The following BMPR1A variants were observed in gnomAD, a reference collection of about 807,000 sequenced individuals.
BMPR1A encodes the protein bone morphogenetic protein receptor type 1A.
BMPR1A carries 7 observed loss-of-function variants against 66.0 expected under a neutral mutation model. The observed-to-expected ratio is 0.11, with a 90% CI of 0.06 to 0.20. The LOEUF (loss-of-function observed/expected upper bound fraction) is 0.20. BMPR1A is among the 10% of genes least tolerant of loss of function. The probability of loss-of-function intolerance (pLI) is 1.00; values close to 1 mark genes in which losing one functional copy is unlikely to be tolerated. For synonymous variants in BMPR1A, 200 were observed against 229.7 expected (o/e 0.87, Z 1.17); for missense variants, 408 against 669.1 (o/e 0.61, Z 4.31).
downstream of BMPR1A, chr10:86,931,298 C>CACACACACATATATATATATATATAT: frequency 2.6e-4 from 24 of 90,886 alleles, no homozygotes; most frequent in East Asian, 9.1e-4. Flanking sequence ...CACACACACA[C>CACACACACATATATATATATATATAT]ATATATATAT....
chr10:86,930,571 C>T (rs1250484309), downstream of BMPR1A: 1 of 152,264 alleles, frequency 6.6e-6, no homozygotes, highest in Non-Finnish European at 1.5e-5. Flanking sequence ...AGCCACTGCG[C>T]CCAGCCCATA....
At chr10:86,908,313 A>AC (rs984227283) in intron 7 of BMPR1A, among the ~76,000 whole-genome samples, 9 of 152,194 alleles carry the variant, frequency 5.9e-5, no homozygotes, top group Admixed American at 2.0e-4. Context: ...TATCACATGT[A>AC]CCCCCCAAAA....
chr10:86,838,102 C>T (rs192829647), intron 1 of BMPR1A, among the ~76,000 whole-genome samples: 79 of 152,172 alleles, frequency 5.2e-4, no homozygotes, highest in African/African-American at 1.9e-3. Context: ...TTTTTAAGAT[C>T]GCAAAGTAAA....
At chr10:86,890,738 A>G (rs12259616) in intron 4 of BMPR1A, among the ~76,000 whole-genome samples, 5,992 of 152,174 alleles carry the variant, frequency 0.039, 404 homozygotes, top group African/African-American at 0.14. Context: ...CTGGCCTCCT[A>G]CTTCTTAATT....
chr10:86,819,413 C>G (rs150741413), intron 1 of BMPR1A, among the ~76,000 whole-genome samples: 6 of 152,160 alleles, frequency 3.9e-5, no homozygotes, highest in Admixed American at 2.6e-4. Context: ...TGGGCTCAAG[C>G]GATTCTCCTG....
Position 86,926,621 on chromosome 10 carries a change from T to G in BMPR1A, c.*2902T>G, listed in dbSNP as rs1589294929. On this transcript the variant is annotated 3_prime_UTR_variant, in exon 13 of 13. Coordinates refer to ENST00000372037, the MANE Select transcript of BMPR1A (RefSeq NM_004329.3). ...ATTCTTAAATCTGAAGCTCATCGAC[T>G]AAGTGAAATATTTAAAGAATATGAT... 1 of 181,154 alleles carries G rather than the reference T, an allele frequency of 5.5e-6. No individual in the cohort carries two copies. The highest frequency in any genetic ancestry group is 9.1e-5 in the East Asian group (1 of 11,012). The allele number at this position is 181,154 out of a possible 1,614,324, so 11.2% of individuals were successfully genotyped here.
intron 1 of BMPR1A, among the ~76,000 whole-genome samples, chr10:86,766,823 TG>T (rs1367837447): frequency 2.0e-4 from 30 of 147,686 alleles, no homozygotes; most frequent in African/African-American, 7.2e-4. Context: ...TTAGCCAGGA[TG>T]GTTTTTTTTT....
intron 1 of BMPR1A, among the ~76,000 whole-genome samples, chr10:86,796,134 A>G (rs1221336523): frequency 1.3e-5 from 2 of 152,126 alleles, no homozygotes; most frequent in Non-Finnish European, 2.9e-5. Context: ...TCTGAATATT[A>G]ATTTGACTGT....
chr10:86,817,186 A>G (rs1208754167), intron 1 of BMPR1A, among the ~76,000 whole-genome samples: 3 of 152,178 alleles, frequency 2.0e-5, no homozygotes, highest in Admixed American at 6.5e-5. Context: ...TCCATCTCCC[A>G]TACTCTTTTC....
intron 3 of BMPR1A, among the ~76,000 whole-genome samples, chr10:86,879,747 G>T (rs961150737): frequency 2.0e-5 from 3 of 152,194 alleles, no homozygotes; most frequent in African/African-American, 7.2e-5. Flanking sequence ...CCTCTTCATG[G>T]TCCAGCAGTG....
rs1842389139 is a variant in BMPR1A, at chr10:86,838,885, G to T, written c.-247G>T. On this transcript the variant is annotated 5_prime_UTR_variant, in exon 2 of 13. Coordinates refer to ENST00000372037, the MANE Select transcript of BMPR1A (RefSeq NM_004329.3). ...AACAGACTTATGAAAATATGCATCA[G>T]TTTAATACTGTCTTGGAATTCATGA... The T allele has an allele frequency of 6.6e-6, 1 of 151,978 alleles. No individual in the cohort carries two copies. The highest frequency in any genetic ancestry group is 2.4e-5 in the African/African-American group (1 of 41,374). The allele number at this position is 151,978 out of a possible 1,614,324, so 9.4% of individuals were successfully genotyped here.
intron 1 of BMPR1A, among the ~76,000 whole-genome samples, chr10:86,791,687 TCCTCCCTCCCTCCCTCCCTCCCTC>T (rs1193872662): frequency 3.8e-5 from 3 of 78,808 alleles, no homozygotes; most frequent in Non-Finnish European, 7.5e-5. Flanking sequence ...TTTACTTCCT[TCCTCCCTCCCTCCCTCCCTCCCTC>T]CCTTCCTTCC....
At chr10:86,802,028 A>T (rs866474995) in intron 1 of BMPR1A, among the ~76,000 whole-genome samples, 4 of 151,918 alleles carry the variant, frequency 2.6e-5, no homozygotes, top group Middle Eastern at 3.4e-3. Flanking sequence ...CCTGATTCTT[A>T]TTCTCTTGTC....
chr10:86,762,772 C>G (rs564228765), intron 1 of BMPR1A, among the ~76,000 whole-genome samples: 61 of 152,172 alleles, frequency 4.0e-4, no homozygotes, highest in Non-Finnish European at 8.2e-4. Flanking sequence ...TGTTACAAGA[C>G]TGATAAGGGA....
intron 1 of BMPR1A, among the ~76,000 whole-genome samples, chr10:86,762,920 G>A (rs530089220): frequency 5.9e-5 from 9 of 152,052 alleles, no homozygotes; most frequent in East Asian, 3.9e-4. Context: ...TATTTGAGAC[G>A]GAGTCTCACT....
At chr10:86,778,958 G>A (rs1177920916) in intron 1 of BMPR1A, among the ~76,000 whole-genome samples, 1 of 148,932 alleles carries the variant, frequency 6.7e-6, no homozygotes, top group Non-Finnish European at 1.5e-5. Flanking sequence ...AGTAGAGATG[G>A]GGTTTCACCA....
At chr10:86,828,380 C>T (rs1405012646) in intron 1 of BMPR1A, among the ~76,000 whole-genome samples, 2 of 151,962 alleles carry the variant, frequency 1.3e-5, no homozygotes, top group Non-Finnish European at 1.5e-5. Flanking sequence ...TTCCAGGTAG[C>T]GGTTCACAAA....
At chr10:86,792,644 AC>A (rs1405675622) in intron 1 of BMPR1A, among the ~76,000 whole-genome samples, 1 of 152,158 alleles carries the variant, frequency 6.6e-6, no homozygotes, top group African/African-American at 2.4e-5. Flanking sequence ...AAACAAACAA[AC>A]AAACAGAACT....
intron 1 of BMPR1A, among the ~76,000 whole-genome samples, chr10:86,797,068 CTTT>C (rs780930060): frequency 1.0e-4 from 11 of 105,004 alleles, no homozygotes; most frequent in African/African-American, 1.6e-4. Context: ...CTTTTCTTTT[CTTT>C]TTTTTTTTTT....
Sources: allele counts gnomAD v4.1 joint callset (sites outside exome capture counted in the v4.1 genomes callset), GRCh38; gene constraint gnomAD v4.1.1; transcripts MANE v1.5; gene names NCBI Gene and HGNC (gene_info 2026-07-23, HGNC 2026-07-21).